Variants in SRGAP2B observed in about 807,000 individuals in gnomAD.
SRGAP2B encodes the protein SLIT-ROBO Rho GTPase-activating protein 2B.
A neutral mutation model predicts 22.2 loss-of-function variants in SRGAP2B; 9 were observed. That is an observed-to-expected ratio of 0.41 (90% CI 0.24 to 0.71). The LOEUF (loss-of-function observed/expected upper bound fraction) is 0.71, where lower values mean the gene tolerates loss of function less well. SRGAP2B is among the 30% of genes least tolerant of loss of function. The pLI, the probability that SRGAP2B is intolerant of heterozygous loss-of-function variation, is 0.35. For synonymous variants in SRGAP2B, 36 were observed against 87.4 expected (o/e 0.41, Z 3.28); for missense variants, 114 against 235.8 (o/e 0.48, Z 3.38).
At chr1:145,012,475 C>T (rs1161613959) in intron 2 of SRGAP2B, among the ~76,000 whole-genome samples, 4 of 137,824 alleles carry the variant, frequency 2.9e-5, no homozygotes, top group Middle Eastern at 7.5e-3. Context: ...AGGAGAGATG[C>T]ATTATCTAGT....
At chr1:144,975,060 G>A (rs1201264240) in intron 3 of SRGAP2B, among the ~76,000 whole-genome samples, 2 of 147,926 alleles carry the variant, frequency 1.4e-5, no homozygotes, top group Non-Finnish European at 2.9e-5. Context: ...TTTGTTCTCA[G>A]TGCATGTCTG....
intron 2 of SRGAP2B, among the ~76,000 whole-genome samples, chr1:144,998,694 C>A (rs1553619010): frequency 1.3e-5 from 2 of 150,986 alleles, no homozygotes; most frequent in Non-Finnish European, 2.9e-5. Context: ...AGATGCCTCC[C>A]TTGTTACCAT....
chr1:144,948,875 C>T (rs1305681059), intron 4 of SRGAP2B, among the ~76,000 whole-genome samples: 2 of 99,672 alleles, frequency 2.0e-5, no homozygotes, highest in Non-Finnish European at 3.9e-5. Context: ...CATAAGGTAA[C>T]ATTCACAGGT....
intron 2 of SRGAP2B, among the ~76,000 whole-genome samples, chr1:145,006,904 A>C (rs1459162288): frequency 6.6e-6 from 1 of 150,898 alleles, no homozygotes; most frequent in Non-Finnish European, 1.5e-5. Flanking sequence ...GATTAAGAGG[A>C]TAGACCGCAT....
At chr1:144,991,052 G>C (rs1367462025) in intron 3 of SRGAP2B, among the ~76,000 whole-genome samples, 1 of 150,874 alleles carries the variant, frequency 6.6e-6, no homozygotes, top group Non-Finnish European at 1.5e-5. Flanking sequence ...GCGCAGGACT[G>C]GCAGGCAGCT....
intron 4 of SRGAP2B, among the ~76,000 whole-genome samples, chr1:144,915,347 A>C (rs1482032223): frequency 6.6e-6 from 1 of 150,854 alleles, no homozygotes; most frequent in Non-Finnish European, 1.5e-5. Flanking sequence ...GGGGTCTCCA[A>C]CTAGTTAATC....
chr1:144,997,082 A>G (rs1301476291), intron 2 of SRGAP2B, among the ~76,000 whole-genome samples: 1 of 150,462 alleles, frequency 6.6e-6, no homozygotes, highest in Non-Finnish European at 1.5e-5. Flanking sequence ...CAGACTGTAC[A>G]TTGAGAGGGC....
At position 144,932,351 on chromosome 1, in the gene SRGAP2B, C is replaced by T. The variant is rs1480428063; in HGVS notation, c.424-17597G>A. ...TCAAAACACCCTTTGTGTCACTGTG[C>T]CTTTCTCTCCACTGCCCTTGACACT... On this transcript the variant is annotated intron_variant, in intron 4 of 9. Coordinates refer to ENST00000612199, the Ensembl canonical transcript of SRGAP2B. 1.6e-3 allele frequency among the ~76,000 whole-genome samples: 245 copies of T among 151,148 alleles called. 9 individuals carry two copies. The highest frequency in any genetic ancestry group is 5.8e-3 in the African/African-American group (237 of 40,594).
chr1:144,995,981 T>C (rs1416413292), intron 2 of SRGAP2B, among the ~76,000 whole-genome samples: 3 of 150,132 alleles, frequency 2.0e-5, no homozygotes, highest in Non-Finnish European at 4.4e-5. Flanking sequence ...TCTTCATAGA[T>C]GCTGTAGTGC....
intron 2 of SRGAP2B, among the ~76,000 whole-genome samples, chr1:145,080,563 GT>G (rs1553634607): frequency 4.1e-5 from 6 of 145,466 alleles, no homozygotes; most frequent in Non-Finnish European, 3.0e-5. Flanking sequence ...TTTGTTGTTT[GT>G]TTTTGAGACG....
chr1:144,971,657 A>C (rs1553613307), intron 3 of SRGAP2B, among the ~76,000 whole-genome samples: 1 of 151,030 alleles, frequency 6.6e-6, no homozygotes, highest in South Asian at 2.1e-4. Flanking sequence ...AAACTCAGTG[A>C]ATCTTCTGTG....
chr1:144,922,781 C>G (rs1664349292), intron 4 of SRGAP2B, among the ~76,000 whole-genome samples: 1 of 150,670 alleles, frequency 6.6e-6, no homozygotes, highest in African/African-American at 2.5e-5. Context: ...CAAAACCACC[C>G]ATCAAGTTCT....
chr1:144,995,206 A>G lies in SRGAP2B; in HGVS notation c.68-6T>C. The G allele has an allele frequency of 4.2e-6, 3 of 719,418 alleles. No individual in the cohort carries two copies. The highest frequency in any genetic ancestry group is 6.3e-6 in the Non-Finnish European group (3 of 477,256). The allele number at this position is 719,418 out of a possible 1,614,324, so 44.6% of individuals were successfully genotyped here. A position where few individuals can be genotyped will look rare whatever the true frequency, so the allele number is the denominator to read the frequency against. ...TGTGAGCTGAGCACGGATCTCTACA[A>G]CAAAAACAAGAGAAGACAGTCAGAA... On this transcript the variant is annotated splice_region_variant and splice_polypyrimidine_tract_variant and intron_variant, in intron 2 of 9. Transcript: ENST00000612199.
intron 2 of SRGAP2B, among the ~76,000 whole-genome samples, chr1:145,088,475 C>T (rs1653638976): frequency 6.8e-6 from 1 of 146,128 alleles, no homozygotes; most frequent in Non-Finnish European, 1.5e-5. Flanking sequence ...AAAGACAAGA[C>T]CCCTAATGTT....
chr1:145,070,091 A>G (rs1431305070), intron 2 of SRGAP2B, among the ~76,000 whole-genome samples: 2 of 149,480 alleles, frequency 1.3e-5, no homozygotes, highest in Non-Finnish European at 3.0e-5. Flanking sequence ...ACCAGCATGC[A>G]TATGTCATTC....
At chr1:145,023,121 C>G (rs376015413) in intron 2 of SRGAP2B, among the ~76,000 whole-genome samples, 1 of 146,606 alleles carries the variant, frequency 6.8e-6, no homozygotes. Context: ...GAGCAGAGAT[C>G]GCGCCACTGC....
At chr1:145,076,369 T>C (rs1652505293) in intron 2 of SRGAP2B, among the ~76,000 whole-genome samples, 1 of 149,818 alleles carries the variant, frequency 6.7e-6, no homozygotes, top group African/African-American at 2.5e-5. Flanking sequence ...CAAAAATCTA[T>C]AATGAATGTT....
At chr1:145,017,313 G>T (rs1553623383) in intron 2 of SRGAP2B, among the ~76,000 whole-genome samples, 1 of 149,340 alleles carries the variant, frequency 6.7e-6, no homozygotes, top group Non-Finnish European at 1.5e-5. Context: ...AGGTCTCCAG[G>T]TTCCCTGGGC....
At chr1:144,972,026 A>AT (rs1451449764) in intron 3 of SRGAP2B, among the ~76,000 whole-genome samples, 4 of 150,574 alleles carry the variant, frequency 2.7e-5, no homozygotes, top group Admixed American at 6.6e-5. Context: ...AAGACAACAC[A>AT]TAACAGGAAT....
Sources: gnomAD v4.1 joint callset for allele counts (sites outside exome capture counted in the v4.1 genomes callset) on GRCh38, gnomAD v4.1.1 for gene constraint, MANE v1.5 for transcripts, NCBI Gene and HGNC (gene_info 2026-07-23, HGNC 2026-07-21) for gene names.